SHCBP1L: variants seen among roughly 807,000 people sequenced by gnomAD.
The protein encoded by SHCBP1L is SHC binding and spindle associated 1 like.
In SHCBP1L, 67 loss-of-function variants were observed where a neutral mutation model predicts 62.5. The observed-to-expected ratio is 1.07, with a 90% CI of 0.88 to 1.31. SHCBP1L has a LOEUF of 1.31. SHCBP1L is among the 40% of genes most tolerant of loss of function. SHCBP1L has a pLI of 0.00. For synonymous variants in SHCBP1L, 284 were observed against 289.4 expected (o/e 0.98, Z 0.19); for missense variants, 823 against 809.8 (o/e 1.02, Z -0.20).
chr1:182,938,532 C>T (rs992635008), intron 5 of SHCBP1L, among the ~76,000 whole-genome samples: 2 of 152,158 alleles, frequency 1.3e-5, no homozygotes, highest in African/African-American at 4.8e-5. Context: ...ATGATCGATG[C>T]TTACTGCAGC....
At chr1:182,922,068 G>A (rs1650544728) in intron 6 of SHCBP1L, among the ~76,000 whole-genome samples, 1 of 152,124 alleles carries the variant, frequency 6.6e-6, no homozygotes, top group Admixed American at 6.5e-5. Flanking sequence ...ATTACATAAT[G>A]ATAAAGGGTT....
At chr1:182,906,638 G>A (rs1650023031) in intron 6 of SHCBP1L, among the ~76,000 whole-genome samples, 1 of 151,426 alleles carries the variant, frequency 6.6e-6, no homozygotes, top group Non-Finnish European at 1.5e-5. Context: ...CGCCATGTTA[G>A]CCAGGTTGGT....
chr1:182,927,268 T>C (rs1650795654), intron 6 of SHCBP1L, among the ~76,000 whole-genome samples: 1 of 151,652 alleles, frequency 6.6e-6, no homozygotes, highest in African/African-American at 2.4e-5. Context: ...GCACTGCTTG[T>C]AAAGATCACC....
At chr1:182,904,043 G>T in intron 8 of SHCBP1L, 137 bp downstream of exon 8, 1 of 1,021,892 alleles carries the variant, frequency 9.8e-7, no homozygotes, top group Non-Finnish European at 1.4e-6. Context: ...TCATTTTGTT[G>T]ATGTCTACCA....
At chr1:182,921,726 C>A (rs146547776) in intron 6 of SHCBP1L, among the ~76,000 whole-genome samples, 4,890 of 152,042 alleles carry the variant, frequency 0.032, 85 homozygotes, top group Admixed American at 0.052. Context: ...GCCAACATGG[C>A]AAAACCCCAT....
chr1:182,905,421 T>C, intron 7 of SHCBP1L, 75 bp downstream of exon 7: 1 of 1,376,988 alleles, frequency 7.3e-7, no homozygotes, highest in Non-Finnish European at 1.0e-6. Context: ...AATAATTCCA[T>C]TAAGCATGTT....
intron 6 of SHCBP1L, among the ~76,000 whole-genome samples, chr1:182,911,256 T>A (rs568431570): frequency 6.6e-6 from 1 of 152,270 alleles, no homozygotes; most frequent in South Asian, 2.1e-4. Flanking sequence ...TCTACTGAGA[T>A]AACACAACAA....
At chr1:182,950,366 G>A (rs766073717) in intron 2 of SHCBP1L, among the ~76,000 whole-genome samples, 3 of 152,096 alleles carry the variant, frequency 2.0e-5, no homozygotes, top group Non-Finnish European at 2.9e-5. Context: ...AGTGACTCAT[G>A]CCTGTAATCC....
intron 6 of SHCBP1L, among the ~76,000 whole-genome samples, chr1:182,925,827 T>G (rs1471349497): frequency 2.0e-5 from 3 of 152,160 alleles, no homozygotes; most frequent in Non-Finnish European, 2.9e-5. Context: ...AACTGATGAA[T>G]GTATAAGCAG....
At position 182,939,485 on chromosome 1, in the gene SHCBP1L, A is replaced by G. The variant is rs926124936; in HGVS notation, c.839T>C (p.Ile280Thr). ...TACTTACAAATTAATTCTTTCTTCA[A>G]TAAGTGCAGTATAATTCTCACAACT... ...EESCENYTAL[I>T]EERINLWCDI... Residue 280 changes from isoleucine (I) to threonine (T), a missense_variant, in exon 4 of 10, where the codon ATT (isoleucine) becomes ACT (threonine). Ile to Thr is a moderately conservative substitution (Grantham distance 89). Coordinates refer to ENST00000367547, the MANE Select transcript of SHCBP1L (RefSeq NM_030933.4). The G allele has an allele frequency of 1.9e-5, 31 of 1,606,762 alleles. No homozygotes were observed. Among genetic ancestry groups the G allele is most frequent in the African/African-American group, 2.7e-5 (2 of 74,448 alleles).
At chr1:182,945,463 G>T (rs1651532877) in intron 2 of SHCBP1L, among the ~76,000 whole-genome samples, 1 of 152,178 alleles carries the variant, frequency 6.6e-6, no homozygotes, top group Non-Finnish European at 1.5e-5. Flanking sequence ...GTACATAGCT[G>T]TTATCACTTT....
At chr1:182,932,319 A>G (rs905731968) in intron 5 of SHCBP1L, among the ~76,000 whole-genome samples, 24 of 152,150 alleles carry the variant, frequency 1.6e-4, no homozygotes, top group Admixed American at 9.2e-4. Flanking sequence ...ATCAAGGAAC[A>G]TGATTGCTGG....
chr1:182,924,339 C>A (rs1650608637), intron 6 of SHCBP1L, among the ~76,000 whole-genome samples: 1 of 150,212 alleles, frequency 6.7e-6, no homozygotes, highest in Non-Finnish European at 1.5e-5. Flanking sequence ...CGCTCTGCCA[C>A]CCAGGCTGGA....
intron 6 of SHCBP1L, among the ~76,000 whole-genome samples, chr1:182,909,704 A>G (rs1189609568): frequency 2.6e-5 from 4 of 152,222 alleles, no homozygotes; most frequent in Non-Finnish European, 2.9e-5. Flanking sequence ...ACTTGAGTAC[A>G]CACGGATTTG....
intron 2 of SHCBP1L, among the ~76,000 whole-genome samples, chr1:182,945,307 T>C (rs1651525415): frequency 6.6e-6 from 1 of 152,166 alleles, no homozygotes; most frequent in African/African-American, 2.4e-5. Flanking sequence ...TAGCCCCAAA[T>C]TCCTTAAGTT....
chr1:182,952,191 AATATATAT>A (rs869051143), intron 1 of SHCBP1L, among the ~76,000 whole-genome samples: 799 of 24,128 alleles, frequency 0.033, 21 homozygotes, highest in Non-Finnish European at 0.042. Flanking sequence ...AAAAAAAAAA[AATATATAT>A]ATATATATAT....
At chr1:182,925,342 A>G (rs1283231048) in intron 6 of SHCBP1L, among the ~76,000 whole-genome samples, 1 of 152,314 alleles carries the variant, frequency 6.6e-6, no homozygotes, top group East Asian at 1.9e-4. Context: ...TAACAAGAAG[A>G]CAAACAACCC....
chr1:182,939,467 AAATT>A lies in SHCBP1L; in HGVS notation c.853_856del (p.Asn285CysfsTer58), dbSNP rs202104189. ...GTATAAGTTTATAAACTATACTTAC[AAATT>A]AATTCTTTCTTCAATAAGTGCAGTA... is the stretch of plus-strand genomic sequence containing the variant. On this transcript the variant is annotated frameshift_variant and splice_region_variant, in exon 4 of 10. Coordinates refer to ENST00000367547, the MANE Select transcript of SHCBP1L (RefSeq NM_030933.4). LOFTEE classifies it high-confidence loss of function. The A allele has an allele frequency of 6.2e-4, 996 of 1,604,204 alleles. 10 individuals carry two copies. The East Asian group carries it at 0.02, about 32-fold the overall frequency.
chr1:182,917,297 AAG>A (rs1169471930), intron 6 of SHCBP1L, among the ~76,000 whole-genome samples: 1 of 152,230 alleles, frequency 6.6e-6, no homozygotes, highest in Non-Finnish European at 1.5e-5. Flanking sequence ...CCAAGAATTC[AAG>A]AGTGATTTAA....
Sources: gnomAD v4.1 joint callset for allele counts (sites outside exome capture counted in the v4.1 genomes callset) on GRCh38, gnomAD v4.1.1 for gene constraint, MANE v1.5 for transcripts, NCBI Gene and HGNC (gene_info 2026-07-23, HGNC 2026-07-21) for gene names.